The following ST18 variants were observed in gnomAD, a reference collection of about 807,000 sequenced individuals.
ST18 encodes the protein ST18 C2H2C-type zinc finger transcription factor.
A neutral mutation model predicts 110.0 loss-of-function variants in ST18; 50 were observed. The ratio of observed to expected loss-of-function variants is 0.45; its 90% CI spans 0.36 to 0.58. The LOEUF (loss-of-function observed/expected upper bound fraction) is 0.58. ST18 is among the 20% of genes least tolerant of loss of function. The pLI is 0.00. For synonymous variants in ST18, 461 were observed against 452.4 expected (o/e 1.02, Z -0.24); for missense variants, 1,306 against 1,280.1 (o/e 1.02, Z -0.31).
chr8:52,351,973 A>T (rs919765649), intron 2 of ST18, among the ~76,000 whole-genome samples: 2 of 152,224 alleles, frequency 1.3e-5, no homozygotes, highest in Non-Finnish European at 2.9e-5. Context: ...AGATCAAAAA[A>T]ATTTATATGC....
At chr8:52,337,751 G>T (rs1812822409) in intron 2 of ST18, among the ~76,000 whole-genome samples, 2 of 152,204 alleles carry the variant, frequency 1.3e-5, no homozygotes, top group South Asian at 4.1e-4. Context: ...CTACATCAAA[G>T]CCCTCAGTAA....
chr8:52,234,419 C>T (rs544033553), intron 2 of ST18, among the ~76,000 whole-genome samples: 89 of 152,102 alleles, frequency 5.9e-4, no homozygotes, highest in African/African-American at 1.7e-3. Flanking sequence ...TGCCTGCCAC[C>T]GCACCCGGCT....
At chr8:52,307,686 A>G (rs989350917) in intron 2 of ST18, among the ~76,000 whole-genome samples, 1 of 152,194 alleles carries the variant, frequency 6.6e-6, no homozygotes, top group Non-Finnish European at 1.5e-5. Context: ...TTTCTTATGT[A>G]TGAATGTGTA....
intron 8 of ST18, chr8:52,201,335 T>TG (rs35946749): frequency 0.4 from 61,441 of 152,006 alleles, 14,283 homozygotes; most frequent in African/African-American, 0.65. Flanking sequence ...GAGCACTTTG[T>TG]GAGTCTAGGA....
At chr8:52,268,512 T>C (rs2094956152) in intron 2 of ST18, among the ~76,000 whole-genome samples, 1 of 146,120 alleles carries the variant, frequency 6.8e-6, no homozygotes. Flanking sequence ...TCTATCTATT[T>C]ATCTATCTAT....
intron 2 of ST18, among the ~76,000 whole-genome samples, chr8:52,381,825 C>T (rs1420055929): frequency 6.6e-6 from 1 of 152,044 alleles, no homozygotes; most frequent in Non-Finnish European, 1.5e-5. Context: ...GCCTTCCGTC[C>T]AAACTGGAAA....
chr8:52,209,158 G>A (rs1289663282), intron 8 of ST18, among the ~76,000 whole-genome samples: 1 of 152,152 alleles, frequency 6.6e-6, no homozygotes, highest in Non-Finnish European at 1.5e-5. Context: ...CTGTTTGAAA[G>A]ATAAACCATA....
intron 2 of ST18, among the ~76,000 whole-genome samples, chr8:52,351,139 T>C (rs543102056): frequency 6.6e-6 from 1 of 152,340 alleles, no homozygotes; most frequent in South Asian, 2.1e-4. Flanking sequence ...AATATCAAAA[T>C]ATATTTATTT....
intron 2 of ST18, among the ~76,000 whole-genome samples, chr8:52,266,540 CTTT>C (rs759084646): frequency 1.5e-5 from 2 of 131,254 alleles, no homozygotes; most frequent in Non-Finnish European, 1.6e-5. Context: ...GTTTCTGCCA[CTTT>C]TTTTTTTTTT....
intron 3 of ST18, among the ~76,000 whole-genome samples, chr8:52,228,342 A>G (rs1332486198): frequency 6.6e-6 from 1 of 152,222 alleles, no homozygotes; most frequent in African/African-American, 2.4e-5. Context: ...CTATATAGGA[A>G]GATCTTCAAC....
chr8:52,151,373 C>T (rs991991359), intron 15 of ST18, among the ~76,000 whole-genome samples: 3 of 152,162 alleles, frequency 2.0e-5, no homozygotes, highest in South Asian at 2.1e-4. Context: ...GAGGTAAATA[C>T]GCTTCTAATA....
intron 2 of ST18, among the ~76,000 whole-genome samples, chr8:52,326,129 A>G (rs906413736): frequency 1.4e-4 from 21 of 152,240 alleles, no homozygotes; most frequent in Non-Finnish European, 2.5e-4. Flanking sequence ...CAAACACAAG[A>G]CACATTCTCA....
At chr8:52,380,446 C>T (rs983006184) in intron 2 of ST18, among the ~76,000 whole-genome samples, 3 of 151,934 alleles carry the variant, frequency 2.0e-5, no homozygotes, top group South Asian at 2.1e-4. Flanking sequence ...GGAAAGTATA[C>T]GAGGAATTTT....
chr8:52,320,867 T>C (rs998468563), intron 2 of ST18, among the ~76,000 whole-genome samples: 1 of 152,158 alleles, frequency 6.6e-6, no homozygotes, highest in African/African-American at 2.4e-5. Flanking sequence ...TATGAGGATA[T>C]CCACAAGGAT....
chr8:52,379,511 T>C (rs1833729116), intron 2 of ST18, among the ~76,000 whole-genome samples: 1 of 152,158 alleles, frequency 6.6e-6, no homozygotes, highest in Non-Finnish European at 1.5e-5. Context: ...GGTCCACATA[T>C]GCAGATTTTT....
At chr8:52,292,961 A>G (rs908027809) in intron 2 of ST18, among the ~76,000 whole-genome samples, 1 of 152,226 alleles carries the variant, frequency 6.6e-6, no homozygotes, top group Non-Finnish European at 1.5e-5. Flanking sequence ...AGAACTCATC[A>G]AATTATATAT....
chr8:52,113,684 C>T (rs562044059), intron 25 of ST18, among the ~76,000 whole-genome samples: 38 of 152,214 alleles, frequency 2.5e-4, no homozygotes, highest in Admixed American at 1.4e-3. Flanking sequence ...CATATGCCTC[C>T]TGTTTGTGGA....
At position 52,211,499 on chromosome 8, in the gene ST18, C is replaced by T. The variant is rs1362058591; in HGVS notation, c.86+580G>A. Among the ~76,000 whole-genome samples, 11 of 151,454 alleles carry T rather than the reference C, an allele frequency of 7.3e-5. No individual in the cohort carries two copies. In the East Asian group the frequency reaches 7.7e-4, roughly 11 times the overall value. On this transcript the variant is annotated intron_variant, in intron 8 of 25. Transcript: ENST00000689386. ...TCAGCTCACTGCAACCTCCGCTTCC[C>T]GGGTTCAAGCAATTCTCCTGCCACA...
chr8:52,131,244 G>A lies in ST18; in HGVS notation c.2666+714C>T, dbSNP rs77790314. Among the ~76,000 whole-genome samples, 505 of 152,304 alleles carry A rather than the reference G, an allele frequency of 3.3e-3. 5 individuals carry two copies. The highest frequency in any genetic ancestry group is 0.011 in the African/African-American group (478 of 41,566). ...TCATTGGATTTTAAACCAGCATCAT[G>A]TACAGTGGCCCAAAAGACAAGACAG... is the stretch of plus-strand genomic sequence containing the variant. On this transcript the variant is annotated intron_variant, in intron 22 of 25. Coordinates refer to ENST00000689386, the MANE Select transcript of ST18 (RefSeq NM_001352837.2).
Sources: gnomAD v4.1 joint callset for allele counts (sites outside exome capture counted in the v4.1 genomes callset) on GRCh38, gnomAD v4.1.1 for gene constraint, MANE v1.5 for transcripts, NCBI Gene and HGNC (gene_info 2026-07-23, HGNC 2026-07-21) for gene names.